The following MSR1 variants were observed in gnomAD, a reference collection of about 807,000 sequenced individuals.
The protein encoded by MSR1 is macrophage scavenger receptor types I and II.
A neutral mutation model predicts 47.2 loss-of-function variants in MSR1; 53 were observed. The observed-to-expected ratio is 1.12, with a 90% CI of 0.90 to 1.41. The LOEUF is 1.41. Among genes scored for constraint, MSR1 ranks in the 40% most tolerant of loss-of-function variants. The pLI, the probability that MSR1 is intolerant of heterozygous loss-of-function variation, is 0.00. For missense variants in MSR1, 786 were observed against 546.9 expected (o/e 1.44, Z -4.36); for synonymous variants, 239 against 185.6 (o/e 1.29, Z -2.34).
intron 6 of MSR1, among the ~76,000 whole-genome samples, chr8:16,151,262 C>A (rs917182416): frequency 6.6e-5 from 10 of 152,084 alleles, no homozygotes; most frequent in African/African-American, 2.4e-4. Context: ...TCAAGTACCT[C>A]ACAGTGATGC....
At chr8:16,119,370 C>A (rs930576515) in intron 9 of MSR1, among the ~76,000 whole-genome samples, 5 of 152,054 alleles carry the variant, frequency 3.3e-5, no homozygotes, top group East Asian at 3.9e-4. Flanking sequence ...GGATTACCGG[C>A]GTGCACCACC....
chr8:16,114,052 T>A (rs910437180), intron 9 of MSR1, among the ~76,000 whole-genome samples: 2 of 152,126 alleles, frequency 1.3e-5, no homozygotes, highest in African/African-American at 4.8e-5. Flanking sequence ...TCCATAATAT[T>A]TAACATTCAA....
At chr8:16,138,401 T>C (rs990560783) in intron 8 of MSR1, among the ~76,000 whole-genome samples, 1 of 152,158 alleles carries the variant, frequency 6.6e-6, no homozygotes. Context: ...GCTTCTTTTC[T>C]CTTCATTATG....
rs1242559666 is a variant in MSR1, at chr8:16,177,930, G to C, written c.59C>G (p.Ser20Cys). 6.2e-7 allele frequency: 1 copy of C among 1,613,794 alleles called. No individual in the cohort carries two copies. Among genetic ancestry groups the C allele is most frequent in the Non-Finnish European group, 8.5e-7 (1 of 1,179,932 alleles). ...QQEDTDSCSE[S>C]VKFDARSMTA... ...CATTGAGCGAGCATCAAATTTCACAGATTCGGAGCAGCTATCAGTGTCCTC... is the reference window on the plus strand; with the variant it reads ...CATTGAGCGAGCATCAAATTTCACACATTCGGAGCAGCTATCAGTGTCCTC... Residue 20 changes from serine (S) to cysteine (C), a missense_variant, in exon 2 of 10, where the codon TCT (serine) becomes TGT (cysteine). Transcript: ENST00000262101.
At position 16,120,523 on chromosome 8, in the gene MSR1, T is replaced by C; in HGVS notation, c.1117A>G (p.Thr373Ala). ...VEILHSGQWG[T>A]ICDDRWEVRV... is the part of the protein sequence containing the mutation. Reference sequence around the variant, plus strand: ...ACTTCCCAGCGATCGTCACAAATTGTACCCCACTGGCCGCTGTGGAGTATC... The same window carrying C: ...ACTTCCCAGCGATCGTCACAAATTGCACCCCACTGGCCGCTGTGGAGTATC... The change falls in exon 9 of 10, where the codon ACA becomes GCA. Residue 373 changes from threonine to alanine, a missense_variant. Physicochemically the swap from Thr to Ala is moderately conservative, Grantham distance 58. Transcript: ENST00000262101. The C allele has an allele frequency of 6.2e-7, 1 of 1,611,582 alleles. No homozygotes were observed. Among genetic ancestry groups the C allele is most frequent in the Non-Finnish European group, 8.5e-7 (1 of 1,179,644 alleles).
At chr8:16,120,307 G>T in intron 9 of MSR1, 111 bp downstream of exon 9, 6 of 1,111,538 alleles carry the variant, frequency 5.4e-6, no homozygotes, top group Non-Finnish European at 8.1e-6. Flanking sequence ...AATCCGGGAG[G>T]CAGAGGTTGC....
intron 1 of MSR1, among the ~76,000 whole-genome samples, chr8:16,188,029 G>C (rs1228032732): frequency 2.0e-5 from 3 of 152,042 alleles, no homozygotes; most frequent in African/African-American, 7.2e-5. Flanking sequence ...TCCACAGTTA[G>C]GACAAAAAGT....
At chr8:16,139,597 CATAA>C in intron 8 of MSR1, 1 of 973,866 alleles carries the variant, frequency 1.0e-6, no homozygotes, top group Non-Finnish European at 1.2e-6. Flanking sequence ...CATGTAATCC[CATAA>C]GAGATTTTTA....
intron 7 of MSR1, among the ~76,000 whole-genome samples, chr8:16,145,774 T>C (rs567078740): frequency 6.6e-6 from 1 of 152,242 alleles, no homozygotes; most frequent in African/African-American, 2.4e-5. Flanking sequence ...TTACCGATGA[T>C]ACTTGAAAAT....
chr8:16,183,562 T>C (rs901941278), intron 1 of MSR1, among the ~76,000 whole-genome samples: 1 of 144,990 alleles, frequency 6.9e-6, no homozygotes, highest in South Asian at 2.1e-4. Flanking sequence ...TTATATAATA[T>C]ATAATTTATA....
chr8:16,180,104 CTG>C (rs200982055), intron 1 of MSR1, among the ~76,000 whole-genome samples: 1 of 151,026 alleles, frequency 6.6e-6, no homozygotes, highest in African/African-American at 2.4e-5. Flanking sequence ...TTCTCTCTGT[CTG>C]TCTCTCTCTC....
intron 5 of MSR1, among the ~76,000 whole-genome samples, chr8:16,157,903 T>C (rs1801055012): frequency 6.6e-6 from 1 of 151,934 alleles, no homozygotes; most frequent in African/African-American, 2.4e-5. Context: ...CGTTTTGCAA[T>C]GTCTCTATCA....
chr8:16,187,364 C>CAAAAAAAAAAA (rs751848634), intron 1 of MSR1, among the ~76,000 whole-genome samples: 14 of 35,404 alleles, frequency 4.0e-4, no homozygotes, highest in African/African-American at 1.7e-3. Context: ...ACTCTGTCTC[C>CAAAAAAAAAAA]AAAAAAAAAA....
intron 6 of MSR1, among the ~76,000 whole-genome samples, chr8:16,152,485 A>G (rs182267909): frequency 1.3e-5 from 2 of 152,208 alleles, no homozygotes; most frequent in Admixed American, 6.5e-5. Flanking sequence ...CACGATTCCT[A>G]TGGTGGAAAA....
intron 9 of MSR1, among the ~76,000 whole-genome samples, chr8:16,112,298 C>G (rs970150101): frequency 6.6e-6 from 1 of 151,990 alleles, no homozygotes; most frequent in Non-Finnish European, 1.5e-5. Flanking sequence ...TTATAATAAC[C>G]TTGTTAAATA....
intron 9 of MSR1, among the ~76,000 whole-genome samples, chr8:16,116,990 T>C (rs1799889504): frequency 1.3e-5 from 2 of 152,158 alleles, no homozygotes; most frequent in African/African-American, 4.8e-5. Context: ...ATTTTCTCTT[T>C]GTAATAGATG....
At chr8:16,152,145 G>T (rs1247538547) in intron 6 of MSR1, among the ~76,000 whole-genome samples, 2 of 152,018 alleles carry the variant, frequency 1.3e-5, no homozygotes, top group Non-Finnish European at 2.9e-5. Context: ...TGTTGTAAAG[G>T]CTTCTAAATT....
intron 6 of MSR1, among the ~76,000 whole-genome samples, 161 bp downstream of exon 6, chr8:16,154,903 A>C (rs573146225): frequency 6.6e-5 from 10 of 151,716 alleles, no homozygotes; most frequent in African/African-American, 2.4e-4. Flanking sequence ...AATCCCCCAA[A>C]ACACACACAC....
chr8:16,125,732 A>G (rs78418720), intron 8 of MSR1, among the ~76,000 whole-genome samples: 3,054 of 152,166 alleles, frequency 0.02, 104 homozygotes, highest in African/African-American at 0.068. Flanking sequence ...TGGTACTTCA[A>G]CTCTGCTCAT....
Sources: allele counts gnomAD v4.1 joint callset (sites outside exome capture counted in the v4.1 genomes callset), GRCh38; gene constraint gnomAD v4.1.1; transcripts MANE v1.5; gene names NCBI Gene and HGNC (gene_info 2026-07-23, HGNC 2026-07-21).